ZNF143: variants seen among roughly 807,000 people sequenced by gnomAD.
ZNF143 encodes the protein zinc finger protein 143, also known as SPH-binding factor.
ZNF143 carries 49 observed loss-of-function variants against 74.1 expected under a neutral mutation model. The observed-to-expected ratio is 0.66, with a 90% CI of 0.53 to 0.84. ZNF143 has a LOEUF of 0.84. Ranked by LOEUF, ZNF143 falls within the 40% of genes least tolerant of loss-of-function variation. The pLI, the probability that ZNF143 is intolerant of heterozygous loss-of-function variation, is 0.00. For missense variants in ZNF143, 637 were observed against 793.4 expected (o/e 0.80, Z 2.37); for synonymous variants, 304 against 282.8 (o/e 1.07, Z -0.75).
chr11:9,507,193 C>T (rs117673703), intron 11 of ZNF143, among the ~76,000 whole-genome samples: 23 of 152,096 alleles, frequency 1.5e-4, no homozygotes, highest in Admixed American at 1.0e-3. Context: ...AGAACCACTG[C>T]GAAAGGTGCA....
intron 7 of ZNF143, among the ~76,000 whole-genome samples, chr11:9,492,489 C>A (rs998857809): frequency 1.3e-5 from 2 of 151,896 alleles, no homozygotes; most frequent in Non-Finnish European, 2.9e-5. Flanking sequence ...TCAGGTGATC[C>A]ACCCACCTTG....
chr11:9,513,158 A>G (rs1848610928), intron 13 of ZNF143, among the ~76,000 whole-genome samples: 1 of 152,156 alleles, frequency 6.6e-6, no homozygotes, highest in African/African-American at 2.4e-5. Flanking sequence ...CCTTGATTCC[A>G]TTTTTAAGCT....
chr11:9,476,385 T>A lies in ZNF143; in HGVS notation c.373+1752T>A, dbSNP rs547049687. 5.3e-5 allele frequency among the ~76,000 whole-genome samples: 8 copies of A among 152,198 alleles called. No homozygotes were observed. The South Asian group carries it at 1.5e-3, about 28-fold the overall frequency. The stretch of plus-strand genomic sequence containing the variant: ...TTTTATTTTAATTAATTAATTAATT[T>A]ATTATTTTGAGACAGTCTCGCTCTG... On this transcript the variant is annotated intron_variant, in intron 5 of 15. Transcript: ENST00000396602.
intron 1 of ZNF143, among the ~76,000 whole-genome samples, chr11:9,465,841 T>A (rs1344740962): frequency 1.3e-5 from 2 of 151,858 alleles, no homozygotes; most frequent in Non-Finnish European, 2.9e-5. Flanking sequence ...CTTTTTTTGC[T>A]TTTGGGAGGA....
chr11:9,510,375 C>T (rs1341177008), intron 12 of ZNF143, among the ~76,000 whole-genome samples: 6 of 152,036 alleles, frequency 3.9e-5, no homozygotes, highest in East Asian at 3.8e-4. Flanking sequence ...CCGCCCACCT[C>T]GGCCTCCCAA....
At chr11:9,463,297 C>G (rs1047061327) in intron 1 of ZNF143, among the ~76,000 whole-genome samples, 5 of 152,076 alleles carry the variant, frequency 3.3e-5, no homozygotes, top group African/African-American at 4.8e-5. Context: ...AGTAGAATAC[C>G]TAGGAATAGA....
chr11:9,491,088 A>T (rs1589898630), intron 7 of ZNF143, among the ~76,000 whole-genome samples: 1 of 152,190 alleles, frequency 6.6e-6, no homozygotes, highest in African/African-American at 2.4e-5. Context: ...TTTTATTAAG[A>T]TATATTTCAC....
At chr11:9,469,088 C>CA (rs1047151267) in intron 1 of ZNF143, among the ~76,000 whole-genome samples, 1 of 149,614 alleles carries the variant, frequency 6.7e-6, no homozygotes, top group African/African-American at 2.5e-5. Context: ...GATCTGAGAT[C>CA]ACGCCATTGC....
At chr11:9,516,656 T>G (rs1283141750) in intron 14 of ZNF143, among the ~76,000 whole-genome samples, 1 of 152,194 alleles carries the variant, frequency 6.6e-6, no homozygotes, top group Non-Finnish European at 1.5e-5. Context: ...TTATCATCAT[T>G]ATCAGATACT....
rs558307066 is a variant in ZNF143 at position 9,491,571 on chromosome 11, G to A, written c.646-3075G>A. On this transcript the variant is annotated intron_variant, in intron 7 of 15. Coordinates refer to ENST00000396602, the MANE Select transcript of ZNF143 (RefSeq NM_003442.6). ...GGAGAATGGCATGAACTTGGGAGGC[G>A]GAGCTACAGTGAGCGGAGATCGCAC... 3.9e-5 allele frequency among the ~76,000 whole-genome samples: 6 copies of A among 152,038 alleles called. No homozygotes were observed. In the East Asian group the frequency reaches 7.8e-4, roughly 20 times the overall value.
intron 7 of ZNF143, among the ~76,000 whole-genome samples, chr11:9,485,345 C>T (rs1162318636): frequency 5.0e-4 from 69 of 136,852 alleles, no homozygotes; most frequent in Middle Eastern, 3.7e-3. Context: ...TTTTCTCTCT[C>T]TCTTTTTTTT....
intron 11 of ZNF143, among the ~76,000 whole-genome samples, chr11:9,504,287 A>C (rs1848275902): frequency 1.2e-5 from 1 of 86,530 alleles, no homozygotes; most frequent in South Asian, 3.9e-4. Context: ...TTTATTAGCC[A>C]TGTGTATATC....
intron 14 of ZNF143, among the ~76,000 whole-genome samples, chr11:9,519,252 C>T (rs1413434286): frequency 2.0e-5 from 3 of 151,818 alleles, no homozygotes; most frequent in African/African-American, 7.3e-5. Flanking sequence ...CACTCTGTCA[C>T]CCTGGCTGGA....
chr11:9,519,131 G>T (rs567942310), intron 14 of ZNF143, among the ~76,000 whole-genome samples: 1 of 151,844 alleles, frequency 6.6e-6, no homozygotes, highest in African/African-American at 2.4e-5. Flanking sequence ...TTTCTATCAC[G>T]CTAGAAAGTT....
At chr11:9,484,631 T>A in intron 7 of ZNF143, among the ~76,000 whole-genome samples, 1 of 147,992 alleles carries the variant, frequency 6.8e-6, no homozygotes, top group East Asian at 2.0e-4. Context: ...TTATTTTTTG[T>A]TTTTTGAGAT....
chr11:9,486,402 T>TTATGTATATAA (rs1847511586), intron 7 of ZNF143, among the ~76,000 whole-genome samples: 1 of 26,540 alleles, frequency 3.8e-5, no homozygotes, highest in African/African-American at 1.6e-4. Flanking sequence ...ATATAATATA[T>TTATGTATATAA]TATATATATA....
At chr11:9,496,002 C>T (rs1847945132) in intron 8 of ZNF143, among the ~76,000 whole-genome samples, 1 of 152,128 alleles carries the variant, frequency 6.6e-6, no homozygotes, top group African/African-American at 2.4e-5. Context: ...CTCCCAGCCC[C>T]CTGCTTCTAG....
At chr11:9,469,398 A>AT (rs201586704) in intron 1 of ZNF143, among the ~76,000 whole-genome samples, 7,625 of 151,426 alleles carry the variant, frequency 0.05, 263 homozygotes, top group South Asian at 0.076. Context: ...CTCCCAGCTA[A>AT]TTTTTGTATT....
At chr11:9,476,145 C>G (rs1039438062) in intron 5 of ZNF143, among the ~76,000 whole-genome samples, 1 of 151,860 alleles carries the variant, frequency 6.6e-6, no homozygotes, top group African/African-American at 2.4e-5. Flanking sequence ...TATGTATATT[C>G]AAAGCTACTT....
Sources: gnomAD v4.1 joint callset for allele counts (sites outside exome capture counted in the v4.1 genomes callset) on GRCh38, gnomAD v4.1.1 for gene constraint, MANE v1.5 for transcripts, NCBI Gene and HGNC (gene_info 2026-07-23, HGNC 2026-07-21) for gene names.